SMUG1: variants seen among roughly 807,000 people sequenced by gnomAD.
The protein encoded by SMUG1 is single-strand-selective monofunctional uracil-DNA glycosylase 1, also known as single-strand selective monofunctional uracil DNA glycosylase.
SMUG1 carries 13 observed loss-of-function variants against 23.9 expected under a neutral mutation model. That is an observed-to-expected ratio of 0.54 (90% CI 0.35 to 0.86). SMUG1 has a LOEUF of 0.86. Among genes scored for constraint, SMUG1 ranks in the 40% least tolerant of loss-of-function variants. SMUG1 has a pLI of 0.01. For synonymous variants in SMUG1, 133 were observed against 139.8 expected (o/e 0.95, Z 0.34); for missense variants, 313 against 339.5 (o/e 0.92, Z 0.61).
chr12:54,179,638 G>A (rs1036687322), downstream of SMUG1, among the ~76,000 whole-genome samples: 1 of 151,950 alleles, frequency 6.6e-6, no homozygotes, highest in Admixed American at 6.6e-5. Flanking sequence ...GGGTTTAAGG[G>A]CATACTCCCC....
Position 54,182,097 on chromosome 12 carries a change from C to T in SMUG1, c.812G>A (p.Ter271=), listed in dbSNP as rs2073094203. 6.5e-7 allele frequency: 1 copy of T among 1,535,834 alleles called. No homozygotes were observed. The highest frequency in any genetic ancestry group is 8.8e-7 in the Non-Finnish European group (1 of 1,141,694). ...ELGLLPLLLK[*] ...TCCCATGCAAGGCCCCAAGGGCACT[C>T]ATTTCAACAGCAGTGGCAGCAGCCC... The change falls in exon 4 of 4, where the codon TGA becomes TAA. Residue 271 remains the stop codon, a stop_retained_variant. Coordinates refer to ENST00000682136, the MANE Select transcript of SMUG1 (RefSeq NM_001243787.2).
Position 54,188,283 on chromosome 12 carries a change from A to G in SMUG1, c.-103-381T>C, listed in dbSNP as rs1259949696. On this transcript the variant is annotated intron_variant, in intron 1 of 3. Transcript: ENST00000682136. The stretch of plus-strand genomic sequence containing the variant: ...CCTTAAACGAAATAATAATAATAAT[A>G]ATAATAATAATAAATAATAATAATA... Among the ~76,000 whole-genome samples, 4 of 29,948 alleles carry G rather than the reference A, an allele frequency of 1.3e-4. No individual in the cohort carries two copies. In the Admixed American group the frequency reaches 1.5e-3, roughly 11 times the overall value. The allele number at this position is 29,948 out of a possible 152,430, so 19.6% of individuals were successfully genotyped here. A position where few individuals can be genotyped will look rare whatever the true frequency, so the allele number is the denominator to read the frequency against.
At position 54,181,962 on chromosome 12, in the gene SMUG1, C is replaced by A; in HGVS notation, c.*134G>T. ...CAGGTTGGAAGACAGTTCAACAGAT[C>A]AAAGAATACGTTTCCCAGCGACCAG... On this transcript the variant is annotated 3_prime_UTR_variant, in exon 4 of 4. Transcript: ENST00000682136. 1.1e-5 allele frequency: 16 copies of A among 1,497,462 alleles called. No individual in the cohort carries two copies. Among genetic ancestry groups the A allele is most frequent in the Non-Finnish European group, 1.4e-5 (16 of 1,126,374 alleles). The allele number at this position is 1,497,462 out of a possible 1,614,324, so 92.8% of individuals were successfully genotyped here.
intron 2 of SMUG1, chr12:54,187,082 A>G (rs1942644957): frequency 6.6e-6 from 1 of 152,160 alleles, no homozygotes; most frequent in Admixed American, 6.5e-5. Flanking sequence ...CTCCACTTCT[A>G]TATCCTGAGT....
intron 2 of SMUG1, among the ~76,000 whole-genome samples, chr12:54,173,395 C>A (rs954080658): frequency 2.0e-5 from 3 of 152,018 alleles, no homozygotes; most frequent in African/African-American, 7.2e-5. Flanking sequence ...GCAGAGAGGG[C>A]GAGGGAGAAA....
downstream of SMUG1, among the ~76,000 whole-genome samples, chr12:54,178,405 A>T (rs1466099542): frequency 6.6e-6 from 1 of 152,090 alleles, no homozygotes; most frequent in Admixed American, 6.5e-5. Context: ...CTACTGTTCA[A>T]GTGCCTCTGT....
intron 4 of SMUG1, among the ~76,000 whole-genome samples, chr12:54,159,036 C>T (rs1440914300): frequency 6.6e-6 from 1 of 152,144 alleles, no homozygotes; most frequent in African/African-American, 2.4e-5. Context: ...TGTCAACCTT[C>T]CAGAAGCACT....
At chr12:54,168,746 G>A (rs963115787) in intron 3 of SMUG1, among the ~76,000 whole-genome samples, 1 of 152,128 alleles carries the variant, frequency 6.6e-6, no homozygotes, top group African/African-American at 2.4e-5. Flanking sequence ...GCTTGAGTTG[G>A]GAACAGGGGT....
intron 2 of SMUG1, chr12:54,175,275 CT>C (rs1283568953): frequency 9.9e-5 from 15 of 152,254 alleles, no homozygotes; most frequent in Admixed American, 4.6e-4. Context: ...CTTTTTTGAT[CT>C]GCTACCTGGA....
At chr12:54,159,222 T>C (rs867460092) in intron 4 of SMUG1, among the ~76,000 whole-genome samples, 7 of 151,940 alleles carry the variant, frequency 4.6e-5, no homozygotes, top group Non-Finnish European at 8.8e-5. Flanking sequence ...CCCCCAGCCC[T>C]CAGCCCTCAC....
chr12:54,160,518 C>T (rs757581333), downstream of SMUG1, among the ~76,000 whole-genome samples: 10 of 152,180 alleles, frequency 6.6e-5, no homozygotes, highest in African/African-American at 2.2e-4. Flanking sequence ...GGCTGGCCTG[C>T]GCAGAGCCCC....
chr12:54,175,040 C>T (rs1940720052), intron 2 of SMUG1: 1 of 152,244 alleles, frequency 6.6e-6, no homozygotes, highest in African/African-American at 2.4e-5. Flanking sequence ...ATGGTCACAG[C>T]TGGGAAGTTT....
intron 2 of SMUG1, among the ~76,000 whole-genome samples, chr12:54,175,319 T>C: frequency 6.6e-6 from 1 of 152,208 alleles, no homozygotes; most frequent in Non-Finnish European, 1.5e-5. Flanking sequence ...CAGTTTTCCA[T>C]CCCCAAAGTT....
At chr12:54,175,078 T>C (rs911493116) in intron 2 of SMUG1, 1 of 152,236 alleles carries the variant, frequency 6.6e-6, no homozygotes, top group African/African-American at 2.4e-5. Context: ...CAATGTCTCA[T>C]GCTCCAGTTG....
At chr12:54,188,182 G>A (rs1252027224) in intron 1 of SMUG1, among the ~76,000 whole-genome samples, 1 of 151,478 alleles carries the variant, frequency 6.6e-6, no homozygotes, top group Non-Finnish European at 1.5e-5. Flanking sequence ...CGGGAAGTGA[G>A]GAAGGAATCG....
intron 3 of SMUG1, 70 bp downstream of exon 3, chr12:54,183,586 C>A: frequency 6.5e-7 from 1 of 1,531,228 alleles, no homozygotes; most frequent in Non-Finnish European, 9.0e-7. Flanking sequence ...GCTCCTTCTC[C>A]ACAGCACACC....
rs1444850663 is a variant in SMUG1 at position 54,183,757 on chromosome 12, A to G, written c.184T>C (p.Trp62Arg). The change falls in exon 3 of 4, where the codon TGG becomes CGG. Residue 62 changes from tryptophan (W) to arginine (R), a missense_variant. Trp to Arg is a moderately radical substitution (Grantham distance 101). Coordinates refer to ENST00000682136, the MANE Select transcript of SMUG1 (RefSeq NM_001243787.2). ...GTCACGTAGTTGCGATGTGGCTCCC[A>G]TGCATACTCCACGGGATTGTAGATG... is the stretch of plus-strand genomic sequence containing the variant. ...GIIYNPVEYA[W>R]EPHRNYVTRY... 1.9e-6 allele frequency: 3 copies of G among 1,613,944 alleles called. No homozygotes were observed. The highest frequency in any genetic ancestry group is 1.3e-5 in the African/African-American group (1 of 74,884).
intron 1 of SMUG1, among the ~76,000 whole-genome samples, chr12:54,188,279 TAATAATAATAATAATA>T (rs1284066777): frequency 2.7e-4 from 8 of 29,716 alleles, no homozygotes; most frequent in Non-Finnish European, 3.0e-4. Flanking sequence ...ATAATAATAA[TAATAATAATAATAATA>T]AATAATAATA....
rs1243910491 is a variant in SMUG1 at position 54,183,918 on chromosome 12, C to T, written c.23G>A (p.Gly8Glu). ...GGCACCTGCAGGCTCATGGATGGAC[C>T]CCAGCAGGAAAGCCTGGGGCATATG... The part of the protein sequence containing the change: MPQAFLL[G>E]SIHEPAGALM... The change falls in exon 3 of 4, where the codon GGG becomes GAG. Residue 8 changes from glycine (G) to glutamate (E), a missense_variant. Gly to Glu is a moderately conservative substitution (Grantham distance 98, BLOSUM62 -2). Transcript: ENST00000682136. 2 of 1,585,516 alleles carry T rather than the reference C, an allele frequency of 1.3e-6. No individual in the cohort carries two copies. The highest frequency in any genetic ancestry group is 2.7e-5 in the African/African-American group (2 of 74,278).
Sources: allele counts gnomAD v4.1 joint callset (sites outside exome capture counted in the v4.1 genomes callset), GRCh38; gene constraint gnomAD v4.1.1; transcripts MANE v1.5; gene names NCBI Gene and HGNC (gene_info 2026-07-23, HGNC 2026-07-21).